The following KIT variants were observed in gnomAD, a reference collection of about 807,000 sequenced individuals.
KIT encodes KIT proto-oncogene, receptor tyrosine kinase.
In KIT, 16 loss-of-function variants were observed where a neutral mutation model predicts 105.7. The ratio of observed to expected loss-of-function variants is 0.15; its 90% CI spans 0.10 to 0.23. The LOEUF is 0.23. Among genes scored for constraint, KIT ranks in the 10% least tolerant of loss-of-function variants. The pLI is 1.00. For missense variants in KIT, 858 were observed against 1,213.8 expected (o/e 0.71, Z 4.36); for synonymous variants, 438 against 441.1 (o/e 0.99, Z 0.09).
intron 1 of KIT, among the ~76,000 whole-genome samples, chr4:54,662,357 G>A (rs1040793339): frequency 1.3e-5 from 2 of 152,098 alleles, no homozygotes; most frequent in Non-Finnish European, 2.9e-5. Flanking sequence ...TCCTAGTTTT[G>A]CCACTTATTA....
At position 54,698,301 on chromosome 4, in the gene KIT, C is replaced by G. The variant is rs1553887690; in HGVS notation, c.355C>G (p.Leu119Val). 1 of 1,613,916 alleles carries G rather than the reference C, an allele frequency of 6.2e-7. No individual in the cohort carries two copies. The highest frequency in any genetic ancestry group is 8.5e-7 in the Non-Finnish European group (1 of 1,179,914). Residue 119 changes from leucine to valine, a missense_variant, in exon 3 of 21, where the codon CTT becomes GTT. By Grantham distance (32) the Leu-to-Val change is conservative (BLOSUM62 1). Coordinates refer to ENST00000288135, the MANE Select transcript of KIT (RefSeq NM_000222.3). ...TTCTATAGATCCTGCCAAGCTTTTC[C>G]TTGTTGACCGCTCCTTGTATGGGAA... is the stretch of plus-strand genomic sequence containing the variant. ...VFVRDPAKLFLVDRSLYGKED... is the reference protein window; with the variant it reads ...VFVRDPAKLFVVDRSLYGKED...
chr4:54,730,224 G>A, intron 14 of KIT, among the ~76,000 whole-genome samples: 1 of 152,138 alleles, frequency 6.6e-6, no homozygotes, highest in Non-Finnish European at 1.5e-5. Flanking sequence ...GATGTACCCA[G>A]TCCAACAGAA....
In KIT at chr4:54,681,128, C is replaced by T. The variant is rs940422973; in HGVS notation, c.68-14384C>T. Among the ~76,000 whole-genome samples the T allele has an allele frequency of 2.6e-5, 4 of 152,242 alleles. No homozygotes were observed. In the East Asian group the frequency reaches 5.8e-4, roughly 22 times the overall value. On this transcript the variant is annotated intron_variant, in intron 1 of 20. Coordinates refer to ENST00000288135, the MANE Select transcript of KIT (RefSeq NM_000222.3). ...AAAATGTTCAAAGAAGGGACGAGCT[C>T]GCTACCCCGACCCCAAACTTCACAG... is the stretch of plus-strand genomic sequence containing the variant.
chr4:54,695,559 A>G lies in KIT; in HGVS notation c.115A>G (p.Ile39Val), dbSNP rs1298190443. The change falls in exon 2 of 21, where the codon ATC becomes GTC. Residue 39 changes from isoleucine to valine, a missense_variant. By Grantham distance (29) the Ile-to-Val change is conservative (BLOSUM62 3). Around this residue, in one of 7 missense-constraint regions of KIT, gnomAD observed 401 missense variants for 601.0 expected, o/e 0.67. Coordinates refer to ENST00000288135, the MANE Select transcript of KIT (RefSeq NM_000222.3). ...VSPGEPSPPS[I>V]HPGKSDLIVR... ...TCCAGGGGAACCGTCTCCACCATCC[A>G]TCCATCCAGGAAAATCAGACTTAAT... 2.5e-6 allele frequency: 4 copies of G among 1,614,072 alleles called. No individual in the cohort carries two copies. The highest frequency in any genetic ancestry group is 3.4e-6 in the Non-Finnish European group (4 of 1,180,032).
intron 8 of KIT, among the ~76,000 whole-genome samples, chr4:54,724,810 T>C (rs1722116643): frequency 6.6e-6 from 1 of 152,136 alleles, no homozygotes; most frequent in Non-Finnish European, 1.5e-5. Context: ...TTCATGAATT[T>C]GTGTTGGGTC....
intron 7 of KIT, among the ~76,000 whole-genome samples, chr4:54,713,507 G>A (rs575592006): frequency 6.6e-6 from 1 of 152,114 alleles, no homozygotes; most frequent in Non-Finnish European, 1.5e-5. Flanking sequence ...AAGGACAAAA[G>A]GGATTGTGTT....
chr4:54,721,685 G>C (rs751559353), intron 7 of KIT, among the ~76,000 whole-genome samples: 1 of 152,156 alleles, frequency 6.6e-6, no homozygotes, highest in Non-Finnish European at 1.5e-5. Context: ...GGTGCTGAGA[G>C]GTTATTCTAC....
At chr4:54,694,920 C>A (rs1388962954) in intron 1 of KIT, among the ~76,000 whole-genome samples, 1 of 152,064 alleles carries the variant, frequency 6.6e-6, no homozygotes, top group African/African-American at 2.4e-5. Flanking sequence ...ATCTAGGAAA[C>A]CTATTTAGGC....
intron 1 of KIT, among the ~76,000 whole-genome samples, chr4:54,694,609 G>C (rs566809516): frequency 2.6e-5 from 4 of 152,234 alleles, no homozygotes; most frequent in African/African-American, 9.6e-5. Context: ...CGAACTCCTA[G>C]GCTCAAGCAA....
At chr4:54,685,641 A>AT (rs1040384546) in intron 1 of KIT, among the ~76,000 whole-genome samples, 1 of 151,972 alleles carries the variant, frequency 6.6e-6, no homozygotes, top group Non-Finnish European at 1.5e-5. Context: ...CCCCCTTACC[A>AT]TGACGGAGGA....
chr4:54,682,385 G>A (rs142830957), intron 1 of KIT, among the ~76,000 whole-genome samples: 1 of 151,952 alleles, frequency 6.6e-6, no homozygotes, highest in African/African-American at 2.4e-5. Context: ...ACCGTGCCTG[G>A]CCCAAGCACT....
chr4:54,680,934 G>A (rs1483265147), intron 1 of KIT, among the ~76,000 whole-genome samples: 1 of 152,116 alleles, frequency 6.6e-6, no homozygotes, highest in African/African-American at 2.4e-5. Context: ...TGTTTGTGGA[G>A]TGTGCAGCCA....
rs1459066260 is a variant in KIT, at chr4:54,738,764, C to G, written c.*207C>G. 4 of 648,124 alleles carry G rather than the reference C, an allele frequency of 6.2e-6. No individual in the cohort carries two copies. In the African/African-American group the frequency reaches 7.2e-5, roughly 12 times the overall value. 40.1% of individuals were successfully genotyped at this position (648,124 alleles called of 1,614,324 possible). A position where few individuals can be genotyped will look rare whatever the true frequency, so the allele number is the denominator to read the frequency against. On this transcript the variant is annotated 3_prime_UTR_variant, in exon 21 of 21. Coordinates refer to ENST00000288135, the MANE Select transcript of KIT (RefSeq NM_000222.3). ...CAAAGGTTCCAACTGTATATATTCC[C>G]AATAGCAACGTAGCTTCTACCATGA...
intron 3 of KIT, among the ~76,000 whole-genome samples, chr4:54,699,035 T>C (rs1720275676): frequency 6.6e-6 from 1 of 152,246 alleles, no homozygotes; most frequent in East Asian, 1.9e-4. Flanking sequence ...ACTGTGGAAC[T>C]TGTTATGGTT....
chr4:54,681,341 G>A (rs1040968526), intron 1 of KIT, among the ~76,000 whole-genome samples: 2 of 152,278 alleles, frequency 1.3e-5, no homozygotes, highest in South Asian at 2.1e-4. Flanking sequence ...CACTGGAAAT[G>A]AGAAAGTTCC....
intron 7 of KIT, among the ~76,000 whole-genome samples, chr4:54,718,372 A>C (rs564989298): frequency 3.3e-5 from 5 of 152,124 alleles, no homozygotes; most frequent in African/African-American, 4.8e-5. Flanking sequence ...GAGCCACTGC[A>C]CCCGGCCTAT....
chr4:54,695,927 C>G, intron 2 of KIT, 146 bp downstream of exon 2: 2 of 888,450 alleles, frequency 2.3e-6, no homozygotes, highest in Non-Finnish European at 3.5e-6. Flanking sequence ...CTTCACTGTT[C>G]TCTCCCATCT....
intron 14 of KIT, among the ~76,000 whole-genome samples, 197 bp from the exon 15 acceptor site, chr4:54,731,131 G>A (rs1722563169): frequency 6.6e-6 from 1 of 152,104 alleles, no homozygotes; most frequent in African/African-American, 2.4e-5. Flanking sequence ...TCTGGGCATG[G>A]ACCCCAATAT....
At chr4:54,668,779 T>G (rs1717890472) in intron 1 of KIT, among the ~76,000 whole-genome samples, 1 of 152,238 alleles carries the variant, frequency 6.6e-6, no homozygotes, top group South Asian at 2.1e-4. Flanking sequence ...AAGACTATGT[T>G]AAAAAGATCT....
Sources: allele counts gnomAD v4.1 joint callset (sites outside exome capture counted in the v4.1 genomes callset), GRCh38; gene constraint gnomAD v4.1.1; regional missense constraint gnomAD v4.1.1; transcripts MANE v1.5; gene names NCBI Gene and HGNC (gene_info 2026-07-23, HGNC 2026-07-21).